PSD3: variants seen among roughly 807,000 people sequenced by gnomAD.
PSD3 encodes the protein PH and SEC7 domain-containing protein 3.
A neutral mutation model predicts 105.5 loss-of-function variants in PSD3; 49 were observed. The observed-to-expected ratio is 0.46, with a 90% CI of 0.37 to 0.59. PSD3 has a LOEUF of 0.59. PSD3 is among the 20% of genes least tolerant of loss of function. PSD3 has a pLI of 0.00. For synonymous variants in PSD3, 557 were observed against 457.8 expected (o/e 1.22, Z -2.77); for missense variants, 1,561 against 1,263.8 (o/e 1.24, Z -3.57).
chr8:18,937,127 G>T (rs1025469536), intron 1 of PSD3, among the ~76,000 whole-genome samples: 11 of 152,140 alleles, frequency 7.2e-5, no homozygotes. Flanking sequence ...GCTGTTTTAG[G>T]CAACTGTCAA....
rs541949338 is a variant in PSD3, at chr8:18,657,423, T to G, written c.2173-1738A>C. Among the ~76,000 whole-genome samples the G allele has an allele frequency of 3.9e-5, 6 of 152,372 alleles. No homozygotes were observed. In the East Asian group the frequency reaches 1.2e-3, roughly 29 times the overall value. Reference sequence around the variant, plus strand: ...GTGGCTTCATAGTCAATTCAACTATTGAAATATTACAGTAGCTAATAAAAA... The same window carrying G: ...GTGGCTTCATAGTCAATTCAACTATGGAAATATTACAGTAGCTAATAAAAA... On this transcript the variant is annotated intron_variant, in intron 9 of 15. Coordinates refer to ENST00000327040, the MANE Select transcript of PSD3 (RefSeq NM_015310.4).
intron 9 of PSD3, among the ~76,000 whole-genome samples, chr8:18,752,520 A>ATATATATTATATATTATATATAT (rs1805607703): frequency 1.4e-5 from 1 of 72,904 alleles, no homozygotes; most frequent in African/African-American, 9.0e-5. Flanking sequence ...AATATATGTA[A>ATATATATTATATATTATATATAT]TATATATAAT....
chr8:18,553,560 ACT>A lies in PSD3; in HGVS notation c.2928+2647_2928+2648del, dbSNP rs1347076797. Among the ~76,000 whole-genome samples the A allele has an allele frequency of 2.0e-5, 3 of 152,088 alleles. No homozygotes were observed. The East Asian group carries it at 5.8e-4, about 29-fold the overall frequency. Reference sequence around the variant, plus strand: ...CAGAAACTGGGAAAAATGGTCAATAACTCTTATATCTGCTATGAAGCGGCCTG... The same window carrying A: ...CAGAAACTGGGAAAAATGGTCAATAACTTATATCTGCTATGAAGCGGCCTG... On this transcript the variant is annotated intron_variant, in intron 15 of 15. Transcript: ENST00000327040.
At chr8:18,929,955 T>A (rs1165873789) in intron 2 of PSD3, among the ~76,000 whole-genome samples, 2 of 152,130 alleles carry the variant, frequency 1.3e-5, no homozygotes, top group African/African-American at 4.8e-5. Context: ...AAAAATGTTG[T>A]TAGAAAGAGT....
At chr8:18,611,897 A>G (rs978195982) in intron 11 of PSD3, among the ~76,000 whole-genome samples, 2 of 152,204 alleles carry the variant, frequency 1.3e-5, no homozygotes, top group African/African-American at 4.8e-5. Context: ...AATGACTAAA[A>G]GGCAGCAGGG....
chr8:18,593,266 C>G (rs1445238670), intron 12 of PSD3, among the ~76,000 whole-genome samples: 1 of 152,154 alleles, frequency 6.6e-6, no homozygotes, highest in African/African-American at 2.4e-5. Context: ...TGAACTCAAA[C>G]AAATTTACAA....
chr8:18,584,406 C>T (rs922327817), intron 12 of PSD3, among the ~76,000 whole-genome samples: 2 of 152,312 alleles, frequency 1.3e-5, no homozygotes, highest in African/African-American at 4.8e-5. Flanking sequence ...CTAGAGTGTT[C>T]ATATTTACTT....
At chr8:18,720,685 C>T (rs1178748159) in intron 9 of PSD3, among the ~76,000 whole-genome samples, 4 of 152,152 alleles carry the variant, frequency 2.6e-5, no homozygotes, top group Non-Finnish European at 2.9e-5. Context: ...CCCATCCTCC[C>T]TGCCTGGCCA....
chr8:18,542,370 C>A (rs1800200323), intron 15 of PSD3, among the ~76,000 whole-genome samples: 1 of 152,148 alleles, frequency 6.6e-6, no homozygotes, highest in Admixed American at 6.5e-5. Context: ...TCCATACTAA[C>A]CTAAGATTCT....
At chr8:19,039,753 T>G (rs1415723209) in intron 1 of PSD3, among the ~76,000 whole-genome samples, 4 of 152,156 alleles carry the variant, frequency 2.6e-5, no homozygotes, top group Admixed American at 2.6e-4. Context: ...AATAATTAAT[T>G]TATTCCTCTC....
intron 9 of PSD3, among the ~76,000 whole-genome samples, chr8:18,741,263 G>A (rs1343804838): frequency 1.3e-5 from 2 of 152,080 alleles, no homozygotes; most frequent in Non-Finnish European, 1.5e-5. Flanking sequence ...CACAAGATGC[G>A]ATGTCATCTC....
At chr8:18,539,873 C>T (rs188416914) in intron 15 of PSD3, among the ~76,000 whole-genome samples, 2 of 152,234 alleles carry the variant, frequency 1.3e-5, no homozygotes, top group Admixed American at 1.3e-4. Flanking sequence ...AGGTTTGACA[C>T]ACCAGCTCAG....
intron 9 of PSD3, among the ~76,000 whole-genome samples, chr8:18,676,363 C>G (rs375928911): frequency 1.6e-4 from 25 of 152,256 alleles, no homozygotes; most frequent in African/African-American, 5.8e-4. Flanking sequence ...AGGAGTGGGA[C>G]GCGGCTTCTC....
At chr8:18,745,596 C>T (rs1804946003) in intron 9 of PSD3, among the ~76,000 whole-genome samples, 1 of 152,158 alleles carries the variant, frequency 6.6e-6, no homozygotes, top group African/African-American at 2.4e-5. Context: ...ACCAATTCTC[C>T]ACAGAGCATT....
chr8:18,585,429 T>C (rs1803104995), intron 12 of PSD3, among the ~76,000 whole-genome samples: 1 of 152,186 alleles, frequency 6.6e-6, no homozygotes, highest in African/African-American at 2.4e-5. Flanking sequence ...TCAATCCTCC[T>C]GCCTCAGCGT....
chr8:18,853,165 T>C (rs1305636718), intron 4 of PSD3, among the ~76,000 whole-genome samples: 1 of 152,040 alleles, frequency 6.6e-6, no homozygotes, highest in Non-Finnish European at 1.5e-5. Context: ...AAACAAAATG[T>C]CCAAACAGAA....
chr8:18,695,717 T>G lies in PSD3; in HGVS notation c.2173-40032A>C, dbSNP rs758658689. On this transcript the variant is annotated intron_variant, in intron 9 of 15. Coordinates refer to ENST00000327040, the MANE Select transcript of PSD3 (RefSeq NM_015310.4). ...TATATACACATACCAGAAAATAATTTTGCATTATCTTGTAAAGTTGAATTT... is the reference window on the plus strand; with the variant it reads ...TATATACACATACCAGAAAATAATTGTGCATTATCTTGTAAAGTTGAATTT... 3.3e-4 allele frequency among the ~76,000 whole-genome samples: 51 copies of G among 152,320 alleles called. 1 individual carries two copies. Among genetic ancestry groups the G allele is most frequent in the Admixed American group, 3.3e-4 (5 of 15,304 alleles).
intron 2 of PSD3, among the ~76,000 whole-genome samples, chr8:18,891,837 C>T (rs997895235): frequency 3.9e-5 from 6 of 152,080 alleles, no homozygotes; most frequent in African/African-American, 1.4e-4. Context: ...AATGTAAGAC[C>T]ACTCCCTCTC....
chr8:18,846,913 G>A (rs1427840894), intron 4 of PSD3, among the ~76,000 whole-genome samples: 1 of 152,078 alleles, frequency 6.6e-6, no homozygotes, highest in African/African-American at 2.4e-5. Context: ...AGGTGACACA[G>A]CCAAAGACAG....
Sources: allele counts gnomAD v4.1 joint callset (sites outside exome capture counted in the v4.1 genomes callset), GRCh38; gene constraint gnomAD v4.1.1; transcripts MANE v1.5; gene names NCBI Gene and HGNC (gene_info 2026-07-23, HGNC 2026-07-21).